TRMT44: variants seen among roughly 807,000 people sequenced by gnomAD.
TRMT44 encodes tRNA methyltransferase 44 homolog.
TRMT44 carries 78 observed loss-of-function variants against 77.3 expected under a neutral mutation model. The observed-to-expected ratio is 1.01, with a 90% CI of 0.84 to 1.22. The LOEUF (loss-of-function observed/expected upper bound fraction) is 1.22, where lower values mean the gene tolerates loss of function less well. Among genes scored for constraint, TRMT44 ranks in the 50% most tolerant of loss-of-function variants. The pLI is 0.00. For synonymous variants in TRMT44, 391 were observed against 383.3 expected (o/e 1.02, Z -0.23); for missense variants, 1,090 against 964.4 (o/e 1.13, Z -1.73).
chr4:8,448,885 A>C (rs899062077), intron 2 of TRMT44, among the ~76,000 whole-genome samples: 3 of 152,210 alleles, frequency 2.0e-5, no homozygotes, highest in African/African-American at 4.8e-5. Context: ...CCGCTCACCC[A>C]GTGGCTGGGA....
intron 10 of TRMT44, 109 bp downstream of exon 10, chr4:8,471,309 AAGC>A: frequency 1.2e-6 from 1 of 803,380 alleles, no homozygotes; most frequent in East Asian, 3.0e-5. Flanking sequence ...AATCTGACAG[AAGC>A]AGCAAGTTCC....
chr4:8,449,247 C>T (rs978521200), intron 2 of TRMT44, among the ~76,000 whole-genome samples: 6 of 152,236 alleles, frequency 3.9e-5, no homozygotes, highest in African/African-American at 1.4e-4. Context: ...CAGCCTTTAT[C>T]TCTGTGGCTG....
At chr4:8,471,035 T>C (rs760829565) in intron 9 of TRMT44, 49 bp from the exon 10 acceptor site, 1 of 1,320,142 alleles carries the variant, frequency 7.6e-7, no homozygotes, top group South Asian at 1.3e-5. Flanking sequence ...GACAGGTTCG[T>C]AATATTTTGC....
chr4:8,469,478 C>A (rs1726836446), intron 9 of TRMT44, among the ~76,000 whole-genome samples: 1 of 152,324 alleles, frequency 6.6e-6, no homozygotes, highest in East Asian at 1.9e-4. Context: ...TTCCCACGTG[C>A]AGTAAACAGT....
chr4:8,486,153 T>C (rs1162305357), intron 2 of TRMT44, among the ~76,000 whole-genome samples: 1 of 152,112 alleles, frequency 6.6e-6, no homozygotes, highest in Non-Finnish European at 1.5e-5. Context: ...CAGTTTCCAG[T>C]GGGGTCCCGC....
chr4:8,490,436 C>T (rs1000872789), intron 2 of TRMT44, among the ~76,000 whole-genome samples: 11 of 151,888 alleles, frequency 7.2e-5, no homozygotes, highest in Non-Finnish European at 1.3e-4. Context: ...TGCAGACCTT[C>T]GCCGTGAGTG....
intron 6 of TRMT44, 137 bp downstream of exon 6, chr4:8,454,950 G>T: frequency 1.3e-6 from 1 of 792,436 alleles, no homozygotes; most frequent in Non-Finnish European, 2.1e-6. Context: ...TAAGTGCTCT[G>T]AAATTAGAGA....
intron 2 of TRMT44, among the ~76,000 whole-genome samples, chr4:8,489,811 C>T (rs62287405): frequency 0.027 from 4,135 of 152,230 alleles, 70 homozygotes; most frequent in South Asian, 0.04. Context: ...AGGCTTTGCC[C>T]CAAACTCAAC....
At chr4:8,489,711 C>G (rs1379697820) in intron 2 of TRMT44, among the ~76,000 whole-genome samples, 4 of 152,170 alleles carry the variant, frequency 2.6e-5, no homozygotes, top group African/African-American at 9.7e-5. Flanking sequence ...CTCCTGACCT[C>G]AGGTGATCAG....
chr4:8,460,899 G>T (rs535212874), intron 6 of TRMT44, among the ~76,000 whole-genome samples: 1 of 152,250 alleles, frequency 6.6e-6, no homozygotes, highest in African/African-American at 2.4e-5. Context: ...GCCCAGGCTG[G>T]AGTACACTGA....
intron 2 of TRMT44, among the ~76,000 whole-genome samples, chr4:8,486,571 G>A (rs559939044): frequency 2.6e-5 from 4 of 151,114 alleles, no homozygotes; most frequent in Admixed American, 2.6e-4. Context: ...GAGAATAGAC[G>A]GCCTTCTGAC....
the TRMT44 span, among the ~76,000 whole-genome samples, chr4:8,498,915 G>C: frequency 6.6e-6 from 1 of 152,176 alleles, no homozygotes; most frequent in African/African-American, 2.4e-5. This position sits in a 1 kb window ranked among gnomAD's most constrained non-coding sequence, Gnocchi z 4.3. Flanking sequence ...GGTGGTCCCT[G>C]CGTGGTCCAG....
the TRMT44 span, among the ~76,000 whole-genome samples, chr4:8,499,214 T>A: frequency 6.6e-6 from 1 of 152,004 alleles, no homozygotes; most frequent in Admixed American, 6.5e-5. Context: ...GGGTGAGCTG[T>A]GAACTCCCAT....
At chr4:8,460,193 A>T (rs1012239142) in intron 6 of TRMT44, among the ~76,000 whole-genome samples, 7 of 152,218 alleles carry the variant, frequency 4.6e-5, no homozygotes, top group Non-Finnish European at 8.8e-5. Context: ...AGGACAGGTT[A>T]TAGTATAGTG....
At position 8,444,526 on chromosome 4, in the gene TRMT44, C is replaced by T. The variant is rs1724944650; in HGVS notation, c.620-1950C>T. Among the ~76,000 whole-genome samples, 1 of 151,872 alleles carries T rather than the reference C, an allele frequency of 6.6e-6. No homozygotes were observed. The highest frequency in any genetic ancestry group is 1.5e-5 in the Non-Finnish European group (1 of 67,980). Reference sequence around the variant, plus strand: ...GATTCTCCTAACTTAGCCTCCCAAGCAGCTGGGATTACAGGCATGTGCCAC... The same window carrying T: ...GATTCTCCTAACTTAGCCTCCCAAGTAGCTGGGATTACAGGCATGTGCCAC... On this transcript the variant is annotated intron_variant, in intron 1 of 10. Coordinates refer to ENST00000389737, the MANE Select transcript of TRMT44 (RefSeq NM_152544.3). The surrounding 1 kb of genome is among the most constrained non-coding windows in gnomAD (Gnocchi z 4.0).
intron 2 of TRMT44, 107 bp from the exon 3 acceptor site, chr4:8,449,562 A>C: frequency 1.1e-6 from 1 of 878,034 alleles, no homozygotes; most frequent in South Asian, 1.9e-5. Context: ...GTTTTTGGTA[A>C]TATAGATGTC....
intron 3 of TRMT44, 51 bp downstream of exon 3, chr4:8,449,939 C>CTTTTTT: frequency 2.6e-6 from 1 of 383,094 alleles, no homozygotes; most frequent in Non-Finnish European, 3.7e-6. Context: ...ATTTTCTTTT[C>CTTTTTT]TTTTCTTTTC....
chr4:8,498,764 C>T, the TRMT44 span, among the ~76,000 whole-genome samples: 44 of 152,284 alleles, frequency 2.9e-4, no homozygotes, highest in Non-Finnish European at 5.9e-4. The surrounding 1 kb of genome is among the most constrained non-coding windows in gnomAD (Gnocchi z 4.3). Context: ...TGAGTAGAAG[C>T]GATGCCACTG....
At chr4:8,487,365 A>G in intron 2 of TRMT44, among the ~76,000 whole-genome samples, 1 of 151,990 alleles carries the variant, frequency 6.6e-6, no homozygotes, top group East Asian at 1.9e-4. Flanking sequence ...AGTAGAGACA[A>G]GGAGGGAAGG....
Sources: gnomAD v4.1 joint callset for allele counts (sites outside exome capture counted in the v4.1 genomes callset) on GRCh38, gnomAD v4.1.1 for gene constraint, Gnocchi (gnomAD v3.1) non-coding constraint, MANE v1.5 for transcripts, NCBI Gene and HGNC (gene_info 2026-07-23, HGNC 2026-07-21) for gene names.